XRCC4: variants seen among roughly 807,000 people sequenced by gnomAD.
The protein encoded by XRCC4 is X-ray repair cross complementing 4.
In XRCC4, 28 loss-of-function variants were observed where a neutral mutation model predicts 39.1. That is an observed-to-expected ratio of 0.72 (90% confidence interval 0.53 to 0.98). The LOEUF is 0.98. XRCC4 is among the 50% of genes least tolerant of loss of function. The pLI, the probability that XRCC4 is intolerant of heterozygous loss-of-function variation, is 0.00. For missense variants in XRCC4, 350 were observed against 376.4 expected (o/e 0.93, Z 0.58); for synonymous variants, 123 against 126.4 (o/e 0.97, Z 0.18).
chr5:83,330,399 T>C (rs1756400170), intron 7 of XRCC4, among the ~76,000 whole-genome samples: 1 of 152,046 alleles, frequency 6.6e-6, no homozygotes, highest in African/African-American at 2.4e-5. Context: ...AAAATATTTA[T>C]AGATGAATCA....
intron 3 of XRCC4, among the ~76,000 whole-genome samples, chr5:83,125,097 A>T (rs12153440): frequency 0.46 from 70,331 of 151,742 alleles, 17,144 homozygotes; most frequent in African/African-American, 0.59. Context: ...GGTGCTGAAA[A>T]ATCTTTTCAT....
intron 7 of XRCC4, among the ~76,000 whole-genome samples, chr5:83,291,457 G>C (rs993233393): frequency 6.6e-6 from 1 of 151,626 alleles, no homozygotes; most frequent in Non-Finnish European, 1.5e-5. Context: ...GAGTTGGAAA[G>C]GATAAGAAAG....
intron 2 of XRCC4, among the ~76,000 whole-genome samples, chr5:83,107,785 T>C (rs1049349374): frequency 6.6e-6 from 1 of 151,942 alleles, no homozygotes; most frequent in African/African-American, 2.4e-5. Flanking sequence ...TATAATTATC[T>C]TGAGTGTAAA....
the XRCC4 span, among the ~76,000 whole-genome samples, chr5:83,359,717 A>G: frequency 1.3e-5 from 2 of 152,172 alleles, no homozygotes; most frequent in African/African-American, 4.8e-5. Flanking sequence ...GATTTCAATT[A>G]ATTTCCATTA....
intron 7 of XRCC4, among the ~76,000 whole-genome samples, chr5:83,326,965 G>A (rs912792248): frequency 3.9e-5 from 6 of 152,026 alleles, no homozygotes; most frequent in African/African-American, 1.2e-4. Context: ...ACACCTGCAC[G>A]TTAATCAGAG....
At chr5:83,209,280 T>C (rs1751544420) in intron 6 of XRCC4, among the ~76,000 whole-genome samples, 1 of 152,030 alleles carries the variant, frequency 6.6e-6, no homozygotes, top group Non-Finnish European at 1.5e-5. Context: ...CTCAACAAAA[T>C]ATGTAGTGAT....
chr5:83,371,218 C>A, the XRCC4 span, among the ~76,000 whole-genome samples: 2 of 152,200 alleles, frequency 1.3e-5, no homozygotes, highest in Non-Finnish European at 2.9e-5. Context: ...GATTCAGTGT[C>A]ACTTTCTTCA....
At chr5:83,251,761 C>T (rs1753327733) in intron 6 of XRCC4, among the ~76,000 whole-genome samples, 1 of 152,104 alleles carries the variant, frequency 6.6e-6, no homozygotes, top group Admixed American at 6.5e-5. Context: ...TATAGCTGTA[C>T]TGGCTAAGAG....
At chr5:83,215,901 G>A (rs1230935827) in intron 6 of XRCC4, among the ~76,000 whole-genome samples, 2 of 151,896 alleles carry the variant, frequency 1.3e-5, no homozygotes, top group Non-Finnish European at 2.9e-5. Flanking sequence ...TTAGTTTTAG[G>A]CAAAGAGTTC....
chr5:83,281,103 A>G (rs1239030363), intron 7 of XRCC4, among the ~76,000 whole-genome samples: 2 of 152,262 alleles, frequency 1.3e-5, no homozygotes, highest in African/African-American at 2.4e-5. Context: ...ATAGTTAGCT[A>G]TAAGAATATC....
chr5:83,231,944 A>G (rs185448416), intron 6 of XRCC4, among the ~76,000 whole-genome samples: 3 of 152,108 alleles, frequency 2.0e-5, no homozygotes, highest in East Asian at 1.9e-4. Flanking sequence ...TCCCTCTGCT[A>G]TTGGACTTTA....
intron 7 of XRCC4, among the ~76,000 whole-genome samples, chr5:83,281,929 A>G (rs1018579712): frequency 2.0e-5 from 3 of 152,232 alleles, no homozygotes; most frequent in African/African-American, 7.2e-5. Context: ...CTGCCTGGAC[A>G]GATCATTGTC....
intron 3 of XRCC4, among the ~76,000 whole-genome samples, chr5:83,163,318 A>G (rs932988272): frequency 6.6e-6 from 1 of 152,140 alleles, no homozygotes; most frequent in Non-Finnish European, 1.5e-5. Flanking sequence ...ATTCTGAATA[A>G]ATGAGAATTG....
At chr5:83,307,484 G>A (rs1411421665) in intron 7 of XRCC4, among the ~76,000 whole-genome samples, 1 of 152,196 alleles carries the variant, frequency 6.6e-6, no homozygotes, top group Non-Finnish European at 1.5e-5. Context: ...TGTGTCTTAA[G>A]AGAACTATAA....
At chr5:83,299,222 G>T (rs1277350918) in intron 7 of XRCC4, among the ~76,000 whole-genome samples, 1 of 152,004 alleles carries the variant, frequency 6.6e-6, no homozygotes. Context: ...ATTTCTTTCA[G>T]CATTCAAAGA....
intron 7 of XRCC4, among the ~76,000 whole-genome samples, chr5:83,310,088 A>G (rs920306420): frequency 6.6e-6 from 1 of 152,220 alleles, no homozygotes; most frequent in Non-Finnish European, 1.5e-5. Context: ...ATGTAGTCAT[A>G]TTTAAAGATA....
intron 7 of XRCC4, chr5:83,280,252 A>C (rs1580459637): frequency 8.8e-6 from 3 of 340,084 alleles, no homozygotes; most frequent in East Asian, 1.5e-4. Flanking sequence ...CCCAATTTCT[A>C]ATTGTGTTTT....
At chr5:83,216,418 G>C (rs1366642561) in intron 6 of XRCC4, among the ~76,000 whole-genome samples, 1 of 152,124 alleles carries the variant, frequency 6.6e-6, no homozygotes, top group Non-Finnish European at 1.5e-5. Context: ...TCCTCAAAAA[G>C]TAAAATACAT....
Position 83,300,811 on chromosome 5 carries a change from T to C in XRCC4, c.893+42134T>C, listed in dbSNP as rs548429408. 1.1e-4 allele frequency among the ~76,000 whole-genome samples: 16 copies of C among 152,040 alleles called. No individual in the cohort carries two copies. The East Asian group carries it at 3.1e-3, about 29-fold the overall frequency. On this transcript the variant is annotated intron_variant, in intron 7 of 7. Coordinates refer to ENST00000396027, the MANE Select transcript of XRCC4 (RefSeq NM_003401.5). ...GTTCTCATTGTTCAACTTCCACTTA[T>C]GAGTGAGAACATGCAGTGTTTGGTT...
Sources: gnomAD v4.1 joint callset for allele counts (sites outside exome capture counted in the v4.1 genomes callset) on GRCh38, gnomAD v4.1.1 for gene constraint, MANE v1.5 for transcripts, NCBI Gene and HGNC (gene_info 2026-07-23, HGNC 2026-07-21) for gene names.